CTNNA3: variants seen among roughly 807,000 people sequenced by gnomAD.
The protein encoded by CTNNA3 is catenin alpha 3, also known as catenin alpha-3.
CTNNA3 carries 76 observed loss-of-function variants against 95.7 expected under a neutral mutation model. The ratio of observed to expected loss-of-function variants is 0.79; its 90% CI spans 0.66 to 0.96. The LOEUF (loss-of-function observed/expected upper bound fraction) is 0.96, where lower values mean the gene tolerates loss of function less well. Among genes scored for constraint, CTNNA3 ranks in the 40% least tolerant of loss-of-function variants. The pLI, the probability that CTNNA3 is intolerant of heterozygous loss-of-function variation, is 0.00. For missense variants in CTNNA3, 1,191 were observed against 1,089.8 expected (o/e 1.09, Z -1.31); for synonymous variants, 431 against 374.4 (o/e 1.15, Z -1.74).
intron 13 of CTNNA3, among the ~76,000 whole-genome samples, chr10:66,256,748 G>A (rs942459015): frequency 1.3e-5 from 2 of 151,480 alleles, no homozygotes; most frequent in African/African-American, 4.9e-5. Flanking sequence ...AATTGGAGGA[G>A]AAAAAATGCC....
At position 66,938,820 on chromosome 10, in the gene CTNNA3, AAT is replaced by A. The variant is rs1353067752; in HGVS notation, c.1048-163298_1048-163297del. 2.6e-5 allele frequency among the ~76,000 whole-genome samples: 4 copies of A among 152,350 alleles called. No individual in the cohort carries two copies. In the South Asian group the frequency reaches 6.2e-4, roughly 24 times the overall value. On this transcript the variant is annotated intron_variant, in intron 7 of 17. Transcript: ENST00000433211. ...GTTAAAGGGAATAAGAGCTACAAAA[AAT>A]TGAGACAAAGAAATAATATTTAAGT...
At chr10:66,163,663 TG>T (rs1397818179) in intron 13 of CTNNA3, among the ~76,000 whole-genome samples, 3 of 152,194 alleles carry the variant, frequency 2.0e-5, no homozygotes, top group Non-Finnish European at 4.4e-5. Flanking sequence ...TTCTTACTTC[TG>T]GGTTTCAGTT....
At chr10:67,473,368 A>C (rs982081688) in intron 5 of CTNNA3, among the ~76,000 whole-genome samples, 12 of 152,112 alleles carry the variant, frequency 7.9e-5, no homozygotes, top group African/African-American at 2.9e-4. Context: ...ATATGTCTCC[A>C]CCACACCTCC....
intron 13 of CTNNA3, among the ~76,000 whole-genome samples, chr10:66,266,812 A>T (rs1180762065): frequency 6.6e-6 from 1 of 152,076 alleles, no homozygotes; most frequent in Admixed American, 6.6e-5. Context: ...TAGTATCATT[A>T]TTAGTATTAC....
In CTNNA3 at chr10:67,757,325, G is replaced by A. The variant is rs892183846; in HGVS notation, c.-2+6109C>T. ...GGTGGTTAATTTTACGTATCAACTC[G>A]ACTGGGCTAACGGATGCTGTGATGG... On this transcript the variant is annotated intron_variant, in intron 1 of 17. Coordinates refer to the CTNNA3 transcript ENST00000684154. Among the ~76,000 whole-genome samples the A allele has an allele frequency of 9.2e-5, 14 of 152,264 alleles. No homozygotes were observed. In the East Asian group the frequency reaches 1.5e-3, roughly 17 times the overall value.
chr10:66,897,180 A>T (rs891480750), intron 7 of CTNNA3, among the ~76,000 whole-genome samples: 3 of 152,306 alleles, frequency 2.0e-5, no homozygotes, highest in Admixed American at 6.5e-5. Flanking sequence ...ATAATATATT[A>T]TTCCTATGAA....
At chr10:67,678,709 T>G (rs1444069114) in intron 1 of CTNNA3, among the ~76,000 whole-genome samples, 1 of 152,144 alleles carries the variant, frequency 6.6e-6, no homozygotes, top group Non-Finnish European at 1.5e-5. Flanking sequence ...TCAAAAAACT[T>G]AAGCCATTAC....
At chr10:66,957,993 G>A (rs1381042706) in intron 7 of CTNNA3, among the ~76,000 whole-genome samples, 2 of 151,994 alleles carry the variant, frequency 1.3e-5, no homozygotes, top group Non-Finnish European at 2.9e-5. Flanking sequence ...CTGTGGCCTG[G>A]AGCAGGGTAC....
intron 13 of CTNNA3, among the ~76,000 whole-genome samples, chr10:66,164,535 A>G (rs549455337): frequency 2.0e-5 from 3 of 150,172 alleles, no homozygotes; most frequent in Non-Finnish European, 3.0e-5. Flanking sequence ...TTTTTTTTAG[A>G]TGTTTCCCTC....
chr10:67,067,256 C>T (rs2394323), intron 7 of CTNNA3, among the ~76,000 whole-genome samples: 48,894 of 151,914 alleles, frequency 0.32, 8,400 homozygotes, highest in Middle Eastern at 0.48. Context: ...TTTGTCTGTT[C>T]GTATTAGAAT....
intron 7 of CTNNA3, among the ~76,000 whole-genome samples, chr10:67,049,615 A>G (rs1258318154): frequency 1.3e-5 from 2 of 152,176 alleles, no homozygotes; most frequent in Non-Finnish European, 2.9e-5. Flanking sequence ...GAAAATAAAC[A>G]ACAAAACTAA....
intron 7 of CTNNA3, among the ~76,000 whole-genome samples, chr10:66,851,790 G>C (rs926565360): frequency 6.6e-6 from 1 of 152,120 alleles, no homozygotes; most frequent in African/African-American, 2.4e-5. Flanking sequence ...GCAGAACTAT[G>C]AGCCAGTTAA....
At chr10:66,346,246 T>TATAGAGAG (rs1416945569) in intron 12 of CTNNA3, among the ~76,000 whole-genome samples, 9 of 27,790 alleles carry the variant, frequency 3.2e-4, no homozygotes, top group South Asian at 1.4e-3. Context: ...TATATATATA[T>TATAGAGAG]AGAGAGAGAG....
chr10:67,735,388 A>G (rs1395156804), intron 1 of CTNNA3, among the ~76,000 whole-genome samples: 1 of 152,200 alleles, frequency 6.6e-6, no homozygotes, highest in Non-Finnish European at 1.5e-5. Context: ...ATGGACAATT[A>G]TGCAGTCATT....
chr10:66,337,554 G>A (rs1245764153), intron 12 of CTNNA3, among the ~76,000 whole-genome samples: 2 of 151,812 alleles, frequency 1.3e-5, no homozygotes, highest in African/African-American at 4.8e-5. Flanking sequence ...CTTTGAACCA[G>A]GTCTGACTAC....
chr10:67,337,660 T>C (rs772566240), intron 5 of CTNNA3, among the ~76,000 whole-genome samples: 6 of 151,212 alleles, frequency 4.0e-5, no homozygotes, highest in Admixed American at 6.6e-5. Flanking sequence ...TCTAACTTCA[T>C]TGTGGCCTTA....
chr10:67,586,914 T>C (rs1276818629), intron 3 of CTNNA3, among the ~76,000 whole-genome samples: 3 of 152,168 alleles, frequency 2.0e-5, no homozygotes, highest in Admixed American at 6.5e-5. Flanking sequence ...TGTAATTCTG[T>C]AGTGGTTCCA....
intron 10 of CTNNA3, among the ~76,000 whole-genome samples, chr10:66,587,497 G>C (rs888594027): frequency 6.6e-6 from 1 of 152,090 alleles, no homozygotes; most frequent in Admixed American, 6.5e-5. Flanking sequence ...CAGGTGGAGG[G>C]GCAAAGCTGG....
In CTNNA3 at chr10:67,468,837, AT is replaced by A. The variant is rs1171663660; in HGVS notation, c.579+53004del. Reference sequence around the variant, plus strand: ...GGATTATCAGGTGACTGAGCAAAAAATTTTTTATTGTGAATACCCCCACTGA... The same window carrying A: ...GGATTATCAGGTGACTGAGCAAAAAATTTTTATTGTGAATACCCCCACTGA... On this transcript the variant is annotated intron_variant, in intron 5 of 17. Transcript: ENST00000433211. 3.5e-4 allele frequency among the ~76,000 whole-genome samples: 53 copies of A among 152,246 alleles called. No individual in the cohort carries two copies. In the East Asian group the frequency reaches 7.1e-3, roughly 21 times the overall value.
Sources: gnomAD v4.1 joint callset for allele counts (sites outside exome capture counted in the v4.1 genomes callset) on GRCh38, gnomAD v4.1.1 for gene constraint, MANE v1.5 for transcripts, NCBI Gene and HGNC (gene_info 2026-07-23, HGNC 2026-07-21) for gene names.